Variants in VRK1 observed in about 807,000 individuals in gnomAD.
The protein encoded by VRK1 is VRK serine/threonine kinase 1.
A neutral mutation model predicts 57.1 loss-of-function variants in VRK1; 33 were observed. That is an observed-to-expected ratio of 0.58 (90% confidence interval 0.44 to 0.77). VRK1 has a LOEUF of 0.77. VRK1 is among the 30% of genes least tolerant of loss of function. The probability of loss-of-function intolerance (pLI) is 0.00; values close to 1 mark genes in which losing one functional copy is unlikely to be tolerated. For synonymous variants in VRK1, 137 were observed against 147.8 expected (o/e 0.93, Z 0.53); for missense variants, 413 against 477.3 (o/e 0.87, Z 1.25).
At chr14:96,873,286 C>G (rs1888899509) in intron 11 of VRK1, among the ~76,000 whole-genome samples, 1 of 152,158 alleles carries the variant, frequency 6.6e-6, no homozygotes, top group Non-Finnish European at 1.5e-5. Context: ...GGTGTTTAGA[C>G]TATTAGTAAA....
chr14:96,853,316 A>G (rs574258033), intron 7 of VRK1, 150 bp downstream of exon 7: 1 of 723,054 alleles, frequency 1.4e-6, no homozygotes, highest in Admixed American at 2.4e-5. Flanking sequence ...TCTAGTTAAC[A>G]TTCTACATTT....
chr14:96,875,183 C>G (rs949073483), intron 11 of VRK1, among the ~76,000 whole-genome samples: 2 of 152,054 alleles, frequency 1.3e-5, no homozygotes, highest in African/African-American at 4.8e-5. Context: ...ATAATTTTAC[C>G]TATGTATAGA....
rs577087366 is a variant in VRK1, at chr14:96,855,433, A to G, written c.709+77A>G. 1.2e-4 allele frequency: 193 copies of G among 1,605,956 alleles called. 1 individual carries two copies. In the African/African-American group the frequency reaches 1.8e-3, roughly 15 times the overall value. On this transcript the variant is annotated intron_variant, in intron 8 of 12. Transcript: ENST00000216639. The stretch of plus-strand genomic sequence containing the variant: ...ATTCCTACATAGTTCTTAATTATGC[A>G]TAAGTAAATGAATAGATAAATAAAA...
chr14:96,829,800 C>CTT (rs1435561429), intron 1 of VRK1, among the ~76,000 whole-genome samples: 1 of 152,088 alleles, frequency 6.6e-6, no homozygotes, highest in Admixed American at 6.6e-5. Context: ...ACTCTTTTCT[C>CTT]TCTTTTATAA....
At chr14:96,810,769 G>T (rs546496472) in intron 1 of VRK1, among the ~76,000 whole-genome samples, 1 of 152,188 alleles carries the variant, frequency 6.6e-6, no homozygotes, top group South Asian at 2.1e-4. Flanking sequence ...TTGTATTGAG[G>T]CTTGTTAGAA....
chr14:96,859,683 G>A (rs1888306142), intron 10 of VRK1, among the ~76,000 whole-genome samples: 1 of 152,008 alleles, frequency 6.6e-6, no homozygotes, highest in African/African-American at 2.4e-5. Flanking sequence ...GTGTAGAACT[G>A]ATAAGATCTC....
chr14:96,837,748 A>G lies in VRK1; in HGVS notation c.161-14A>G, dbSNP rs375176918. Reference sequence around the variant, plus strand: ...TACTTGTTCTGATATCAAATATTTTACTTTTTTAAACAGCTGATATGAATT... The same window carrying G: ...TACTTGTTCTGATATCAAATATTTTGCTTTTTTAAACAGCTGATATGAATT... On this transcript the variant is annotated splice_polypyrimidine_tract_variant and intron_variant, in intron 2 of 12. Transcript: ENST00000216639. 6.7e-5 allele frequency: 103 copies of G among 1,532,682 alleles called. 1 individual carries two copies. The highest frequency in any genetic ancestry group is 8.6e-5 in the Non-Finnish European group (98 of 1,133,510). The allele number at this position is 1,532,682 out of a possible 1,614,324, so 94.9% of individuals were successfully genotyped here.
At chr14:96,828,012 C>T (rs933995192) in intron 1 of VRK1, among the ~76,000 whole-genome samples, 1 of 152,206 alleles carries the variant, frequency 6.6e-6, no homozygotes, top group Middle Eastern at 3.2e-3. Flanking sequence ...AAAGTGATAT[C>T]TGCTGTTTGA....
intron 11 of VRK1, among the ~76,000 whole-genome samples, chr14:96,865,598 G>C (rs1033078481): frequency 4.6e-5 from 7 of 152,132 alleles, no homozygotes; most frequent in African/African-American, 7.2e-5. Context: ...ACTCTATAGA[G>C]CAATTCGGAA....
chr14:96,833,531 A>G lies in VRK1; in HGVS notation c.60A>G (p.Ala20=). The G allele has an allele frequency of 6.2e-7, 1 of 1,613,904 alleles. No homozygotes were observed. Among genetic ancestry groups the G allele is most frequent in the Non-Finnish European group, 8.5e-7 (1 of 1,179,824 alleles). Residue 20 remains alanine (A), a synonymous_variant, in exon 2 of 13, where the codon GCA becomes GCG. Transcript: ENST00000216639. ...AGAGCTCTGCAAAGAGACATCTTGC[A>G]GAACAATTTGCAGTTGGAGAGATAA... ...GRQSSAKRHL[A]EQFAVGEIIT... is the part of the protein sequence containing the mutation.
At chr14:96,854,583 T>G (rs1888075293) in intron 7 of VRK1, among the ~76,000 whole-genome samples, 1 of 152,154 alleles carries the variant, frequency 6.6e-6, no homozygotes, top group Non-Finnish European at 1.5e-5. Context: ...TGCCCACGAA[T>G]AAGTATGTAT....
rs190897459 is a variant in VRK1, at chr14:96,875,548, T to G, written c.1069-482T>G. ...ATAGAATTCTACCACCAATGTTATGTGGTACAAACACTGATTTAATAAATG... is the reference window on the plus strand; with the variant it reads ...ATAGAATTCTACCACCAATGTTATGGGGTACAAACACTGATTTAATAAATG... On this transcript the variant is annotated intron_variant, in intron 11 of 12. Coordinates refer to ENST00000216639, the MANE Select transcript of VRK1 (RefSeq NM_003384.3). Among the ~76,000 whole-genome samples, 6 of 152,352 alleles carry G rather than the reference T, an allele frequency of 3.9e-5. No homozygotes were observed. The East Asian group carries it at 1.2e-3, about 29-fold the overall frequency.
chr14:96,846,101 A>G lies in VRK1; in HGVS notation c.223A>G (p.Ser75Gly). ...TTAACTCTTATATTTTAAGGAACCCAGTGACAATGGACCTCTTTTTACTGA... is the reference window on the plus strand; with the variant it reads ...TTAACTCTTATATTTTAAGGAACCCGGTGACAATGGACCTCTTTTTACTGA... ...DAPCVVKVEPSDNGPLFTELK... is the reference protein window; with the variant it reads ...DAPCVVKVEPGDNGPLFTELK... Residue 75 changes from serine (S) to glycine (G), a missense_variant, in exon 4 of 13, where the codon AGT (serine) becomes GGT (glycine). Coordinates refer to ENST00000216639, the MANE Select transcript of VRK1 (RefSeq NM_003384.3). The G allele has an allele frequency of 1.9e-6, 3 of 1,613,330 alleles. No individual in the cohort carries two copies. In the South Asian group the frequency reaches 3.3e-5, roughly 18 times the overall value.
At chr14:96,807,944 T>TCCCTCC (rs1885948134) in intron 1 of VRK1, among the ~76,000 whole-genome samples, 3 of 151,528 alleles carry the variant, frequency 2.0e-5, no homozygotes, top group Non-Finnish European at 4.4e-5. Context: ...TCTTTCTCTG[T>TCCCTCC]CTCTCTCTCT....
intron 1 of VRK1, among the ~76,000 whole-genome samples, chr14:96,808,355 C>T (rs569735661): frequency 6.6e-6 from 1 of 152,106 alleles, no homozygotes; most frequent in Non-Finnish European, 1.5e-5. Context: ...CTTTATTTCT[C>T]CCTCATACCC....
intron 5 of VRK1, among the ~76,000 whole-genome samples, chr14:96,852,510 T>C (rs1379843240): frequency 6.6e-6 from 1 of 152,190 alleles, no homozygotes; most frequent in Non-Finnish European, 1.5e-5. Flanking sequence ...ATCAATGCTG[T>C]CATTTTTATT....
At position 96,846,130 on chromosome 14, in the gene VRK1, A is replaced by G; in HGVS notation, c.252A>G (p.Leu84=). 6.2e-7 allele frequency: 1 copy of G among 1,613,470 alleles called. No homozygotes were observed. ...ACAATGGACCTCTTTTTACTGAATT[A>G]AAGTTCTACCAACGAGCTGCAAAAC... is the stretch of plus-strand genomic sequence containing the variant. ...PSDNGPLFTE[L]KFYQRAAKPE... The change falls in exon 4 of 13, where the codon TTA becomes TTG. Residue 84 remains leucine (L), a synonymous_variant. Coordinates refer to ENST00000216639, the MANE Select transcript of VRK1 (RefSeq NM_003384.3).
intron 3 of VRK1, among the ~76,000 whole-genome samples, chr14:96,842,729 G>T (rs186122126): frequency 9.9e-5 from 15 of 152,146 alleles, no homozygotes; most frequent in Non-Finnish European, 2.1e-4. Context: ...TGGGTGTAGG[G>T]CCTGGTTATT....
chr14:96,875,145 G>A (rs575640853), intron 11 of VRK1, among the ~76,000 whole-genome samples: 95 of 152,230 alleles, frequency 6.2e-4, no homozygotes, highest in Non-Finnish European at 1.2e-3. Flanking sequence ...AAAATTCAAA[G>A]TTTTATATTT....
Sources: allele counts gnomAD v4.1 joint callset (sites outside exome capture counted in the v4.1 genomes callset), GRCh38; gene constraint gnomAD v4.1.1; transcripts MANE v1.5; gene names NCBI Gene and HGNC (gene_info 2026-07-23, HGNC 2026-07-21).